SPATA13: variants seen among roughly 807,000 people sequenced by gnomAD.
SPATA13 encodes spermatogenesis-associated protein 13.
Under a neutral mutation model 104.0 loss-of-function variants are expected in SPATA13, and 50 were observed. The ratio of observed to expected loss-of-function variants is 0.48; its 90% CI spans 0.38 to 0.61. The LOEUF (loss-of-function observed/expected upper bound fraction) is 0.61, where lower values mean the gene tolerates loss of function less well. SPATA13 is among the 20% of genes least tolerant of loss of function. The pLI is 0.00. For missense variants in SPATA13, 1,524 were observed against 1,690.6 expected (o/e 0.90, Z 1.73); for synonymous variants, 606 against 667.5 (o/e 0.91, Z 1.42).
At chr13:24,166,672 C>T (rs1169326991) in intron 1 of SPATA13, among the ~76,000 whole-genome samples, 1 of 152,128 alleles carries the variant, frequency 6.6e-6, no homozygotes, top group African/African-American at 2.4e-5. Flanking sequence ...TGGGGCCCAG[C>T]AATCTGTTTT....
At chr13:24,081,064 G>A (rs551626200) in intron 3 of SPATA13, among the ~76,000 whole-genome samples, 69 of 152,282 alleles carry the variant, frequency 4.5e-4, no homozygotes, top group Middle Eastern at 3.4e-3. Context: ...ATTCATCTAA[G>A]CATTTATTTC....
chr13:24,221,833 G>A (rs1178266264), intron 1 of SPATA13, among the ~76,000 whole-genome samples: 1 of 146,882 alleles, frequency 6.8e-6, no homozygotes, highest in Non-Finnish European at 1.5e-5. Flanking sequence ...TTTTGAGACG[G>A]AGTCTCACTC....
intron 3 of SPATA13, among the ~76,000 whole-genome samples, chr13:24,045,465 C>A (rs879333591): frequency 2.2e-4 from 1 of 4,484 alleles, no homozygotes; most frequent in Non-Finnish European, 6.1e-3. Context: ...ATCAAATGCC[C>A]TAAACAAGCT....
intron 1 of SPATA13, among the ~76,000 whole-genome samples, chr13:24,222,575 T>G (rs1215717957): frequency 2.0e-5 from 3 of 152,214 alleles, no homozygotes; most frequent in Non-Finnish European, 1.5e-5. Context: ...CAGGTTCCAG[T>G]GAGCTCAGGA....
At chr13:24,090,763 A>ACTT (rs1461207434) in intron 3 of SPATA13, among the ~76,000 whole-genome samples, 1 of 152,180 alleles carries the variant, frequency 6.6e-6, no homozygotes, top group Non-Finnish European at 1.5e-5. Flanking sequence ...TGACTTAAAA[A>ACTT]CTTAAATCCA....
At chr13:23,993,935 C>G (rs1420158632) in intron 2 of SPATA13, among the ~76,000 whole-genome samples, 1 of 150,762 alleles carries the variant, frequency 6.6e-6, no homozygotes, top group African/African-American at 2.4e-5. Flanking sequence ...CGATGATTCC[C>G]TGAAGTCTGG....
At chr13:24,190,009 T>TTATATATAATTATATAATATA (rs1869521280) in intron 1 of SPATA13, among the ~76,000 whole-genome samples, 1 of 23,442 alleles carries the variant, frequency 4.3e-5, no homozygotes, top group African/African-American at 1.1e-4. Flanking sequence ...TAATAATATA[T>TTATATATAATTATATAATATA]TATTATATAA....
At chr13:24,158,769 A>G (rs1451478907), upstream of SPATA13, among the ~76,000 whole-genome samples, 5 of 152,224 alleles carry the variant, frequency 3.3e-5, no homozygotes, top group African/African-American at 9.6e-5. Flanking sequence ...TCTCCACCCA[A>G]TGCAGAGTGA....
At chr13:24,038,046 G>A (rs570785727) in intron 3 of SPATA13, among the ~76,000 whole-genome samples, 2 of 151,868 alleles carry the variant, frequency 1.3e-5, no homozygotes, top group African/African-American at 4.8e-5. Flanking sequence ...CGAGTAGCTG[G>A]GATTATAGGC....
At chr13:24,232,882 C>G (rs1315032848) in intron 2 of SPATA13, among the ~76,000 whole-genome samples, 1 of 152,118 alleles carries the variant, frequency 6.6e-6, no homozygotes, top group African/African-American at 2.4e-5. Flanking sequence ...AGTCAAAATT[C>G]TTAGTTTTGA....
chr13:24,020,800 T>A (rs1876940415), intron 3 of SPATA13, among the ~76,000 whole-genome samples: 2 of 152,248 alleles, frequency 1.3e-5, no homozygotes, highest in African/African-American at 4.8e-5. Context: ...TTCCAGCACT[T>A]TGGAAGGCTG....
intron 3 of SPATA13, among the ~76,000 whole-genome samples, chr13:24,128,008 G>A (rs770262992): frequency 8.5e-5 from 13 of 152,216 alleles, no homozygotes; most frequent in Non-Finnish European, 1.6e-4. Flanking sequence ...TAACCCATGT[G>A]CCACACAATG....
chr13:24,291,740 ATTT>A (rs111558434), intron 9 of SPATA13, among the ~76,000 whole-genome samples: 11 of 138,798 alleles, frequency 7.9e-5, no homozygotes, highest in African/African-American at 1.1e-4. Context: ...CTCTGTCTTT[ATTT>A]TTTTATTTTT....
chr13:24,177,833 A>G (rs1352238218), intron 1 of SPATA13, among the ~76,000 whole-genome samples: 1 of 152,078 alleles, frequency 6.6e-6, no homozygotes, highest in African/African-American at 2.4e-5. Flanking sequence ...ATCTTTCAAT[A>G]TAATCACTTT....
At chr13:24,280,708 G>A (rs554892614) in intron 4 of SPATA13, among the ~76,000 whole-genome samples, 8 of 152,150 alleles carry the variant, frequency 5.3e-5, no homozygotes, top group Admixed American at 1.3e-4. Flanking sequence ...CTGGGCAGCC[G>A]CTCCAGGGTT....
At chr13:24,003,941 C>G (rs890050725) in intron 2 of SPATA13, among the ~76,000 whole-genome samples, 5 of 152,190 alleles carry the variant, frequency 3.3e-5, no homozygotes, top group African/African-American at 1.2e-4. Context: ...CACTCCCCCT[C>G]CTCCTGCAGC....
At chr13:24,123,917 C>A in intron 3 of SPATA13, 1 of 598,614 alleles carries the variant, frequency 1.7e-6, no homozygotes, top group Non-Finnish European at 3.0e-6. Flanking sequence ...TTCCCTAACT[C>A]ATTTCCTCTT....
chr13:24,040,098 A>G (rs1439625002), intron 3 of SPATA13, among the ~76,000 whole-genome samples: 1 of 152,236 alleles, frequency 6.6e-6, no homozygotes, highest in Non-Finnish European at 1.5e-5. Context: ...TAAAACTTCC[A>G]CTAAAGGCCA....
At chr13:24,008,880 T>G (rs1876344078) in intron 2 of SPATA13, among the ~76,000 whole-genome samples, 1 of 152,148 alleles carries the variant, frequency 6.6e-6, no homozygotes, top group South Asian at 2.1e-4. Context: ...AGACAGCCAT[T>G]CAGCCAAGGA....
Sources: gnomAD v4.1 joint callset for allele counts (sites outside exome capture counted in the v4.1 genomes callset) on GRCh38, gnomAD v4.1.1 for gene constraint, MANE v1.5 for transcripts, NCBI Gene and HGNC (gene_info 2026-07-23, HGNC 2026-07-21) for gene names.